The following KIF13B variants were observed in gnomAD, a reference collection of about 807,000 sequenced individuals.
The protein encoded by KIF13B is kinesin family member 13B.
KIF13B carries 127 observed loss-of-function variants against 222.0 expected under a neutral mutation model. That is an observed-to-expected ratio of 0.57 (90% confidence interval 0.50 to 0.66). KIF13B has a LOEUF of 0.66. Ranked by LOEUF, KIF13B falls within the 30% of genes least tolerant of loss-of-function variation. The pLI, the probability that KIF13B is intolerant of heterozygous loss-of-function variation, is 0.00. For missense variants in KIF13B, 2,173 were observed against 2,379.0 expected, an observed-to-expected ratio of 0.91 and a Z score of 1.80; for synonymous variants, 976 against 919.0, an observed-to-expected ratio of 1.06 and a Z score of -1.12.
intron 24 of KIF13B, among the ~76,000 whole-genome samples, chr8:29,128,840 T>C (rs11786952): frequency 0.37 from 56,632 of 152,090 alleles, 11,338 homozygotes; most frequent in Non-Finnish European, 0.45. Flanking sequence ...TTAAAGCTAA[T>C]CAGTTGTCCT....
intron 2 of KIF13B, among the ~76,000 whole-genome samples, chr8:29,217,174 C>T (rs994470034): frequency 1.2e-4 from 18 of 152,214 alleles, no homozygotes; most frequent in African/African-American, 4.1e-4. Flanking sequence ...TGCTCCCCCA[C>T]CCTGTAGAGG....
At chr8:29,120,172 T>G (rs1042714451) in intron 29 of KIF13B, among the ~76,000 whole-genome samples, 2 of 140,388 alleles carry the variant, frequency 1.4e-5, no homozygotes, top group Non-Finnish European at 3.0e-5. Context: ...GACAGTTTTT[T>G]TTTTTTTTTT....
At chr8:29,132,836 T>C (rs1204653510) in intron 22 of KIF13B, among the ~76,000 whole-genome samples, 2 of 152,226 alleles carry the variant, frequency 1.3e-5, no homozygotes, top group Admixed American at 6.5e-5. Flanking sequence ...TAAGGTAGTG[T>C]GTTGCAAAAA....
At chr8:29,246,459 G>A (rs112397052) in intron 1 of KIF13B, among the ~76,000 whole-genome samples, 6,731 of 151,396 alleles carry the variant, frequency 0.044, 496 homozygotes, top group African/African-American at 0.15. Flanking sequence ...ACTTTTTAAA[G>A]AAATTAAAGA....
chr8:29,091,787 C>CA (rs1313086437), intron 37 of KIF13B, among the ~76,000 whole-genome samples: 1 of 152,218 alleles, frequency 6.6e-6, no homozygotes, highest in East Asian at 1.9e-4. Flanking sequence ...TCTCAAGCCC[C>CA]ACCATGTGTC....
chr8:29,119,213 G>A (rs777892994), intron 29 of KIF13B, among the ~76,000 whole-genome samples: 5 of 152,190 alleles, frequency 3.3e-5, no homozygotes, highest in Non-Finnish European at 5.9e-5. Context: ...CTACACTTAT[G>A]CCTTATTTTA....
chr8:29,082,708 A>G (rs1437752993), intron 37 of KIF13B, among the ~76,000 whole-genome samples: 1 of 152,242 alleles, frequency 6.6e-6, no homozygotes, highest in Non-Finnish European at 1.5e-5. Context: ...TCATATAAGA[A>G]AATTCTACAC....
Position 29,157,598 on chromosome 8 carries a change from G to A in KIF13B, c.1405-1742C>T, listed in dbSNP as rs978074445. 4.0e-5 allele frequency among the ~76,000 whole-genome samples: 6 copies of A among 151,774 alleles called. No individual in the cohort carries two copies. In the South Asian group the frequency reaches 8.3e-4, roughly 21 times the overall value. On this transcript the variant is annotated intron_variant, in intron 13 of 39. Transcript: ENST00000524189. ...CACATGCCTATAATCATAGCTACTC[G>A]GGAGGCTGAGGCAGGAGAGTGGCTT...
chr8:29,165,875 T>C, intron 11 of KIF13B, 103 bp from the exon 12 acceptor site: 2 of 319,026 alleles, frequency 6.3e-6, no homozygotes, highest in East Asian at 1.0e-4. Context: ...TCCTCATGGC[T>C]GAATGTCACG....
intron 25 of KIF13B, 112 bp from the exon 26 acceptor site, chr8:29,126,623 T>C (rs145175577): frequency 1.4e-6 from 1 of 721,440 alleles, no homozygotes. Flanking sequence ...ATTGAATTAA[T>C]ATACTATTTC....
chr8:29,121,827 G>A (rs1214344732), intron 29 of KIF13B, among the ~76,000 whole-genome samples: 2 of 151,686 alleles, frequency 1.3e-5, no homozygotes, highest in African/African-American at 4.8e-5. Context: ...GTAATACAGG[G>A]ATGAATGGCA....
chr8:29,235,739 T>A (rs1815479088), intron 2 of KIF13B, among the ~76,000 whole-genome samples: 1 of 152,146 alleles, frequency 6.6e-6, no homozygotes, highest in Non-Finnish European at 1.5e-5. Flanking sequence ...TGAGTAGAAA[T>A]CATAAATGCT....
At chr8:29,090,209 A>C (rs1808231729) in intron 37 of KIF13B, among the ~76,000 whole-genome samples, 1 of 152,202 alleles carries the variant, frequency 6.6e-6, no homozygotes, top group Non-Finnish European at 1.5e-5. Context: ...TGTGAGCCAC[A>C]GTGAGAAATT....
At chr8:29,229,426 A>G (rs719926) in intron 2 of KIF13B, among the ~76,000 whole-genome samples, 90,358 of 152,014 alleles carry the variant, frequency 0.59, 29,686 homozygotes, top group Non-Finnish European at 0.75. Context: ...AAATGTTGAG[A>G]TAACAATGTG....
chr8:29,216,127 G>A (rs1255762219), intron 2 of KIF13B, among the ~76,000 whole-genome samples: 1 of 152,226 alleles, frequency 6.6e-6, no homozygotes, highest in Admixed American at 6.5e-5. Flanking sequence ...TAATAATAGA[G>A]GCTACCTTTT....
At chr8:29,117,873 C>A (rs1172657612) in intron 30 of KIF13B, among the ~76,000 whole-genome samples, 1 of 152,168 alleles carries the variant, frequency 6.6e-6, no homozygotes, top group African/African-American at 2.4e-5. Flanking sequence ...TTTAATAAAT[C>A]CTGGCCAGGC....
chr8:29,176,317 A>G, intron 9 of KIF13B, 138 bp from the exon 10 acceptor site: 2 of 610,010 alleles, frequency 3.3e-6, no homozygotes, highest in East Asian at 5.5e-5. Flanking sequence ...CGCTCAGTTC[A>G]AAAGCACACA....
chr8:29,214,486 G>C (rs1038068568), intron 2 of KIF13B, among the ~76,000 whole-genome samples: 2 of 152,124 alleles, frequency 1.3e-5, no homozygotes, highest in Non-Finnish European at 2.9e-5. Context: ...TGTCCCACTG[G>C]AAGGTCTTCA....
intron 23 of KIF13B, among the ~76,000 whole-genome samples, chr8:29,131,706 T>A (rs1810352745): frequency 6.6e-6 from 1 of 152,210 alleles, no homozygotes; most frequent in Non-Finnish European, 1.5e-5. Flanking sequence ...TCTCTACAGC[T>A]GATTAATTAA....
Sources: allele counts gnomAD v4.1 joint callset (sites outside exome capture counted in the v4.1 genomes callset), GRCh38; gene constraint gnomAD v4.1.1; transcripts MANE v1.5; gene names NCBI Gene and HGNC (gene_info 2026-07-23, HGNC 2026-07-21).